The following APBA1 variants were observed in gnomAD, a reference collection of about 807,000 sequenced individuals.
APBA1 encodes the protein amyloid-beta A4 precursor protein-binding family A member 1.
APBA1 carries 55 observed loss-of-function variants against 86.6 expected under a neutral mutation model. The observed-to-expected ratio is 0.64, with a 90% CI of 0.51 to 0.80. APBA1 has a LOEUF of 0.80. Ranked by LOEUF, APBA1 falls within the 30% of genes least tolerant of loss-of-function variation. The pLI, the probability that APBA1 is intolerant of heterozygous loss-of-function variation, is 0.00. For missense variants in APBA1, 1,090 were observed against 1,183.0 expected (o/e 0.92, Z 1.15); for synonymous variants, 511 against 493.9 (o/e 1.03, Z -0.46).
Position 69,456,382 on chromosome 9 carries a change from A to G in APBA1, c.1653T>C (p.Ile551=), listed in dbSNP as rs753546502. 1 of 1,612,660 alleles carries G rather than the reference A, an allele frequency of 6.2e-7. No individual in the cohort carries two copies. Among genetic ancestry groups the G allele is most frequent in the African/African-American group, 1.3e-5 (1 of 74,892 alleles). The change falls in exon 8 of 13, where the codon ATT becomes ATC. Residue 551 remains isoleucine (I), a synonymous_variant. Coordinates refer to ENST00000265381, the MANE Select transcript of APBA1 (RefSeq NM_001163.4). ...PLRTISYIAD[I]GNIVVLMARR... is the part of the protein sequence containing the mutation. ...GGGCCATCAGCACAACGATGTTCCCAATGTCCGCAATGTAGGAAATGGTCC... is the reference window on the plus strand; with the variant it reads ...GGGCCATCAGCACAACGATGTTCCCGATGTCCGCAATGTAGGAAATGGTCC...
At chr9:69,498,389 C>T (rs1835832439) in intron 2 of APBA1, among the ~76,000 whole-genome samples, 1 of 152,076 alleles carries the variant, frequency 6.6e-6, no homozygotes. Context: ...CTGATGGCAG[C>T]CTCCAAGAGA....
chr9:69,613,621 T>G (rs980165891), intron 1 of APBA1, among the ~76,000 whole-genome samples: 8 of 152,188 alleles, frequency 5.3e-5, no homozygotes, highest in African/African-American at 1.9e-4. Context: ...TTTATCTAGC[T>G]CTAACTCTGT....
At chr9:69,531,950 C>A (rs1424934029) in intron 1 of APBA1, among the ~76,000 whole-genome samples, 1 of 152,208 alleles carries the variant, frequency 6.6e-6, no homozygotes, top group Non-Finnish European at 1.5e-5. Flanking sequence ...GTTTTCTCTT[C>A]TCAATCTGGC....
intron 5 of APBA1, chr9:69,464,477 C>T (rs1483747999): frequency 6.6e-6 from 1 of 152,174 alleles, no homozygotes; most frequent in East Asian, 1.9e-4. Flanking sequence ...GCCTATTCTG[C>T]TCTAGGCAGG....
At chr9:69,546,753 G>A (rs987398451) in intron 1 of APBA1, among the ~76,000 whole-genome samples, 2 of 152,202 alleles carry the variant, frequency 1.3e-5, no homozygotes, top group Non-Finnish European at 2.9e-5. Context: ...GCAGGAGAGA[G>A]CAAATGGTTT....
At chr9:69,488,526 G>A (rs939254564) in intron 2 of APBA1, among the ~76,000 whole-genome samples, 1 of 152,126 alleles carries the variant, frequency 6.6e-6, no homozygotes, top group Admixed American at 6.5e-5. Flanking sequence ...CTTTGAGAAT[G>A]GTGGTCATCA....
At chr9:69,621,588 C>A (rs1208951462) in intron 1 of APBA1, among the ~76,000 whole-genome samples, 1 of 152,190 alleles carries the variant, frequency 6.6e-6, no homozygotes, top group African/African-American at 2.4e-5. Context: ...GTTATTTATT[C>A]TCTTTGTGCC....
intron 11 of APBA1, among the ~76,000 whole-genome samples, chr9:69,439,511 C>G (rs954647896): frequency 2.6e-5 from 4 of 152,060 alleles, no homozygotes; most frequent in Non-Finnish European, 5.9e-5. Context: ...CTCTAAAATC[C>G]TCTTTATGCT....
At chr9:69,581,097 C>T (rs1032820123) in intron 1 of APBA1, among the ~76,000 whole-genome samples, 2 of 152,166 alleles carry the variant, frequency 1.3e-5, no homozygotes, top group Admixed American at 1.3e-4. Flanking sequence ...GCGTCATCTC[C>T]AGACACCCTT....
chr9:69,558,487 C>T (rs1836896045), intron 1 of APBA1, among the ~76,000 whole-genome samples: 1 of 151,422 alleles, frequency 6.6e-6, no homozygotes, highest in Admixed American at 6.6e-5. Context: ...AGTTAGACAT[C>T]ATTCTGTTTC....
At chr9:69,433,163 G>C (rs1446291754) in intron 11 of APBA1, among the ~76,000 whole-genome samples, 1 of 152,190 alleles carries the variant, frequency 6.6e-6, no homozygotes, top group Non-Finnish European at 1.5e-5. Flanking sequence ...CTGGCTGGAG[G>C]GGAGAGACTC....
intron 1 of APBA1, among the ~76,000 whole-genome samples, chr9:69,524,058 CA>C (rs2133899200): frequency 6.6e-6 from 1 of 152,122 alleles, no homozygotes; most frequent in South Asian, 2.1e-4. Flanking sequence ...ACACAGATAC[CA>C]AAATCTCTGG....
chr9:69,635,473 A>G (rs1255348947), intron 1 of APBA1, among the ~76,000 whole-genome samples: 1 of 152,166 alleles, frequency 6.6e-6, no homozygotes, highest in Non-Finnish European at 1.5e-5. Context: ...AAACAACAAA[A>G]TGGTAGGAGT....
chr9:69,636,162 T>C (rs1380754734), intron 1 of APBA1, among the ~76,000 whole-genome samples: 1 of 152,188 alleles, frequency 6.6e-6, no homozygotes, highest in Non-Finnish European at 1.5e-5. Context: ...ACATCACTGA[T>C]TATCAGATAA....
intron 1 of APBA1, among the ~76,000 whole-genome samples, chr9:69,559,095 C>A (rs1836909247): frequency 6.6e-6 from 1 of 152,132 alleles, no homozygotes; most frequent in Non-Finnish European, 1.5e-5. Flanking sequence ...TCTTTTCTTA[C>A]TGTTCATTAT....
At chr9:69,672,587 C>A (rs571903510), upstream of APBA1, among the ~76,000 whole-genome samples, 1 of 149,896 alleles carries the variant, frequency 6.7e-6, no homozygotes, top group South Asian at 2.1e-4. Flanking sequence ...CTGATGTCCT[C>A]CGTGGGCCGC....
chr9:69,592,960 C>G (rs1407963889), intron 1 of APBA1, among the ~76,000 whole-genome samples: 1 of 152,166 alleles, frequency 6.6e-6, no homozygotes, highest in Admixed American at 6.5e-5. Context: ...AATGTTATAT[C>G]ATTTTACCAA....
chr9:69,628,701 G>A (rs548450050), intron 1 of APBA1, among the ~76,000 whole-genome samples: 1 of 152,258 alleles, frequency 6.6e-6, no homozygotes, highest in African/African-American at 2.4e-5. Context: ...ATAGTGACAT[G>A]TTCTAAAATC....
intron 2 of APBA1, among the ~76,000 whole-genome samples, chr9:69,504,721 C>T (rs962124129): frequency 6.6e-6 from 1 of 152,018 alleles, no homozygotes; most frequent in African/African-American, 2.4e-5. Context: ...AAGGTATTCT[C>T]CGGGTCTCAC....
Sources: gnomAD v4.1 joint callset for allele counts (sites outside exome capture counted in the v4.1 genomes callset) on GRCh38, gnomAD v4.1.1 for gene constraint, MANE v1.5 for transcripts, NCBI Gene and HGNC (gene_info 2026-07-23, HGNC 2026-07-21) for gene names.